Variants in ANKMY1 observed in about 807,000 individuals in gnomAD.
ANKMY1 encodes the protein ankyrin repeat and MYND domain-containing protein 1.
A neutral mutation model predicts 102.0 loss-of-function variants in ANKMY1; 98 were observed. That is an observed-to-expected ratio of 0.96 (90% CI 0.82 to 1.14). ANKMY1 has a LOEUF of 1.14. ANKMY1 is among the 50% of genes most tolerant of loss of function. The pLI is 0.00. For missense variants in ANKMY1, 1,330 were observed against 1,347.6 expected (o/e 0.99, Z 0.20); for synonymous variants, 582 against 559.9 (o/e 1.04, Z -0.56).
At position 240,499,945 on chromosome 2, in the gene ANKMY1, G is replaced by GC; in HGVS notation, c.2806+12dup. The GC allele has an allele frequency of 6.2e-7, 1 of 1,608,598 alleles. No individual in the cohort carries two copies. The highest frequency in any genetic ancestry group is 1.3e-5 in the African/African-American group (1 of 74,964). On this transcript the variant is annotated intron_variant, in intron 15 of 17. Transcript: ENST00000401804. This position sits in a 1 kb window ranked among gnomAD's most constrained non-coding sequence, Gnocchi z 4.2. ...GCCCTGTGGAGCAGAGCAGAGCAGG[G>GC]CCCACTGCTCACCTCTCTTGCACAG...
At chr2:240,526,704 G>A in intron 5 of ANKMY1, 1 of 1,392,152 alleles carries the variant, frequency 7.2e-7, no homozygotes, top group Non-Finnish European at 9.3e-7. Context: ...GAATGTGCTG[G>A]CTGCGAGTAC....
intron 4 of ANKMY1, among the ~76,000 whole-genome samples, chr2:240,549,626 G>A (rs950942736): frequency 1.3e-5 from 2 of 152,052 alleles, no homozygotes; most frequent in Non-Finnish European, 2.9e-5. Flanking sequence ...CTGACAAAGG[G>A]CTAATATCCA....
intron 8 of ANKMY1, among the ~76,000 whole-genome samples, chr2:240,521,692 G>A (rs1330378407): frequency 6.6e-6 from 1 of 151,882 alleles, no homozygotes; most frequent in African/African-American, 2.4e-5. Flanking sequence ...TAGAGACGGG[G>A]TTTCACCGTG....
chr2:240,489,904 G>A (rs1480530517), intron 15 of ANKMY1, among the ~76,000 whole-genome samples: 1 of 152,142 alleles, frequency 6.6e-6, no homozygotes. Context: ...GCTTTTCCTT[G>A]TTGAGAGACT....
chr2:240,481,671 G>T (rs2075404226), intron 16 of ANKMY1, among the ~76,000 whole-genome samples: 1 of 152,162 alleles, frequency 6.6e-6, no homozygotes. Context: ...TCTCAGAGGG[G>T]CACACAAGCA....
intron 15 of ANKMY1, among the ~76,000 whole-genome samples, chr2:240,486,237 T>C (rs982094104): frequency 6.6e-6 from 1 of 152,190 alleles, no homozygotes; most frequent in African/African-American, 2.4e-5. Flanking sequence ...CCCACTTCCT[T>C]TGTACTGTTA....
chr2:240,497,568 G>T (rs1296108297), intron 15 of ANKMY1, among the ~76,000 whole-genome samples: 1 of 152,080 alleles, frequency 6.6e-6, no homozygotes, highest in Non-Finnish European at 1.5e-5. Context: ...CAGTCCTTGG[G>T]GTGTGTGAGA....
chr2:240,496,838 T>G (rs528746169), intron 15 of ANKMY1, among the ~76,000 whole-genome samples: 64 of 152,348 alleles, frequency 4.2e-4, no homozygotes, highest in Non-Finnish European at 8.1e-4. Context: ...CGATCAGAGC[T>G]CATTGAAGGG....
At position 240,520,558 on chromosome 2, in the gene ANKMY1, G is replaced by C. The variant is rs1479265885; in HGVS notation, c.1833-25C>G. The C allele has an allele frequency of 9.4e-6, 15 of 1,598,022 alleles. No individual in the cohort carries two copies. Among genetic ancestry groups the C allele is most frequent in the Non-Finnish European group, 1.3e-5 (15 of 1,171,828 alleles). On this transcript the variant is annotated intron_variant, in intron 8 of 17. Transcript: ENST00000401804. This position sits in a 1 kb window ranked among gnomAD's most constrained non-coding sequence, Gnocchi z 4.8. ...CCTGAAAAAGACGGTGCGCCCGTGGGCCCCTGGAGGGCAGGCACCTGCACT... is the reference window on the plus strand; with the variant it reads ...CCTGAAAAAGACGGTGCGCCCGTGGCCCCCTGGAGGGCAGGCACCTGCACT...
At chr2:240,471,063 T>C in the ANKMY1 span, among the ~76,000 whole-genome samples, 5 of 152,008 alleles carry the variant, frequency 3.3e-5, no homozygotes, top group African/African-American at 4.8e-5. Context: ...GTTCTCCCTA[T>C]TGCCAGAGAT....
At chr2:240,526,933 C>A in intron 5 of ANKMY1, 5 of 1,066,064 alleles carry the variant, frequency 4.7e-6, no homozygotes, top group Non-Finnish European at 5.7e-6. Context: ...TGTACACAAC[C>A]CCTTTTCACA....
chr2:240,526,942 C>A, intron 5 of ANKMY1: 2 of 1,057,994 alleles, frequency 1.9e-6, no homozygotes, highest in South Asian at 3.2e-5. Flanking sequence ...CCCCTTTTCA[C>A]AATCGAGAAC....
chr2:240,535,639 A>C (rs558182088), intron 4 of ANKMY1, among the ~76,000 whole-genome samples: 1 of 152,356 alleles, frequency 6.6e-6, no homozygotes, highest in African/African-American at 2.4e-5. Context: ...GTTATACCAG[A>C]GTCAGATTGA....
At chr2:240,473,296 G>C in the ANKMY1 span, among the ~76,000 whole-genome samples, 1 of 147,352 alleles carries the variant, frequency 6.8e-6, no homozygotes, top group Non-Finnish European at 1.5e-5. Context: ...AAAAACAAAT[G>C]CATAAAATGT....
At chr2:240,522,145 T>A (rs2082430122) in intron 8 of ANKMY1, 1 of 152,188 alleles carries the variant, frequency 6.6e-6, no homozygotes, top group Admixed American at 6.5e-5. Context: ...GATTGGTCAA[T>A]TTTACAGAGT....
chr2:240,485,145 A>G (rs1186228963), intron 15 of ANKMY1, among the ~76,000 whole-genome samples: 3 of 151,962 alleles, frequency 2.0e-5, no homozygotes, highest in Non-Finnish European at 4.4e-5. Flanking sequence ...TGGCTAACAC[A>G]GTGAAACCCC....
At chr2:240,512,127 G>C in intron 10 of ANKMY1, 126 bp from the exon 11 acceptor site, 6 of 1,186,190 alleles carry the variant, frequency 5.1e-6, no homozygotes, top group Non-Finnish European at 6.7e-6. Flanking sequence ...AAACCCTCTT[G>C]AAGGCGGATG....
At chr2:240,526,002 C>G (rs906069128) in intron 6 of ANKMY1, 153 bp from the exon 7 acceptor site, 17 of 1,078,300 alleles carry the variant, frequency 1.6e-5, no homozygotes, top group Non-Finnish European at 2.2e-5. Context: ...AAGTGTGGGA[C>G]AGAGGAATGG....
intron 2 of ANKMY1, among the ~76,000 whole-genome samples, chr2:240,556,282 T>C (rs1363386967): frequency 2.0e-5 from 3 of 152,194 alleles, no homozygotes; most frequent in South Asian, 2.1e-4. Flanking sequence ...AAGAGGCCTC[T>C]GAGGAGGAAA....
Sources: gnomAD v4.1 joint callset for allele counts (sites outside exome capture counted in the v4.1 genomes callset) on GRCh38, gnomAD v4.1.1 for gene constraint, Gnocchi (gnomAD v3.1) non-coding constraint, MANE v1.5 for transcripts, NCBI Gene and HGNC (gene_info 2026-07-23, HGNC 2026-07-21) for gene names.